The following RBMS3 variants were observed in gnomAD, a reference collection of about 807,000 sequenced individuals.
The protein encoded by RBMS3 is RNA-binding motif, single-stranded-interacting protein 3.
In RBMS3, 27 loss-of-function variants were observed where a neutral mutation model predicts 66.8. The observed-to-expected ratio is 0.40, with a 90% confidence interval of 0.30 to 0.56. RBMS3 has a LOEUF of 0.56. RBMS3 is among the 20% of genes least tolerant of loss of function. The pLI is 0.40. For missense variants in RBMS3, 513 were observed against 549.5 expected, an observed-to-expected ratio of 0.93 and a Z score of 0.66; for synonymous variants, 188 against 183.0, an observed-to-expected ratio of 1.03 and a Z score of -0.22.
intron 12 of RBMS3, among the ~76,000 whole-genome samples, chr3:29,960,194 C>A (rs1041750588): frequency 3.3e-5 from 5 of 152,110 alleles, no homozygotes; most frequent in African/African-American, 1.2e-4. Context: ...ATACTTATTC[C>A]AAATGGGAGA....
At chr3:29,709,870 G>A (rs1426193108) in intron 4 of RBMS3, among the ~76,000 whole-genome samples, 2 of 152,082 alleles carry the variant, frequency 1.3e-5, no homozygotes, top group Non-Finnish European at 2.9e-5. Flanking sequence ...GCGTTATCTT[G>A]CACAAAAGTC....
intron 2 of RBMS3, among the ~76,000 whole-genome samples, chr3:29,477,603 C>T (rs1369317162): frequency 6.6e-6 from 1 of 151,816 alleles, no homozygotes; most frequent in East Asian, 1.9e-4. Context: ...AATTAATGAT[C>T]CAATTGCCAT....
intron 1 of RBMS3, among the ~76,000 whole-genome samples, chr3:29,330,625 A>G (rs1314242059): frequency 6.6e-6 from 1 of 152,102 alleles, no homozygotes; most frequent in Non-Finnish European, 1.5e-5. Flanking sequence ...CCTATTGCTG[A>G]ACTAGCCTTG....
intron 6 of RBMS3, among the ~76,000 whole-genome samples, chr3:29,849,473 C>T (rs1184202834): frequency 6.6e-6 from 1 of 150,606 alleles, no homozygotes; most frequent in Non-Finnish European, 1.5e-5. Context: ...GAGATCACAC[C>T]ACTGCACTCC....
intron 2 of RBMS3, among the ~76,000 whole-genome samples, chr3:29,482,776 C>T (rs1445902097): frequency 7.7e-6 from 1 of 129,650 alleles, no homozygotes; most frequent in Non-Finnish European, 1.5e-5. Flanking sequence ...GGCACGATCT[C>T]GGCTCACTGC....
intron 6 of RBMS3, among the ~76,000 whole-genome samples, chr3:29,775,430 G>A (rs1470287223): frequency 6.6e-6 from 1 of 151,890 alleles, no homozygotes; most frequent in Non-Finnish European, 1.5e-5. Flanking sequence ...GTTGTATTAA[G>A]ACAATGTATT....
intron 3 of RBMS3, among the ~76,000 whole-genome samples, chr3:29,526,532 A>G (rs1337555073): frequency 1.5e-5 from 1 of 67,762 alleles, no homozygotes; most frequent in Non-Finnish European, 2.4e-5. Context: ...AAAAAAAAAA[A>G]AAAAAAAAAA....
At chr3:29,786,080 C>T (rs1282053612) in intron 6 of RBMS3, among the ~76,000 whole-genome samples, 1 of 149,208 alleles carries the variant, frequency 6.7e-6, no homozygotes, top group Admixed American at 6.7e-5. Flanking sequence ...AAGAACTCAA[C>T]CCCTTTCACA....
intron 4 of RBMS3, among the ~76,000 whole-genome samples, chr3:29,731,276 A>G (rs2054121911): frequency 6.6e-6 from 1 of 152,236 alleles, no homozygotes; most frequent in African/African-American, 2.4e-5. Context: ...GAAATAAGTA[A>G]ATGCTTCTTT....
chr3:29,652,359 C>T (rs927680671), intron 4 of RBMS3, among the ~76,000 whole-genome samples: 32 of 152,138 alleles, frequency 2.1e-4, no homozygotes, highest in African/African-American at 7.7e-4. Flanking sequence ...ATATAAATAA[C>T]AATTATTTAA....
intron 4 of RBMS3, among the ~76,000 whole-genome samples, chr3:29,735,779 A>G (rs1216933649): frequency 2.6e-5 from 4 of 152,304 alleles, no homozygotes; most frequent in Non-Finnish European, 5.9e-5. Flanking sequence ...TAAATTGGCA[A>G]TAACATCAGA....
chr3:29,651,139 A>G (rs1274991882), intron 4 of RBMS3, among the ~76,000 whole-genome samples: 1 of 152,224 alleles, frequency 6.6e-6, no homozygotes, highest in African/African-American at 2.4e-5. Context: ...CTTCAGATCA[A>G]CAACAAATGC....
intron 4 of RBMS3, among the ~76,000 whole-genome samples, chr3:29,682,375 C>T (rs1435030592): frequency 6.6e-6 from 1 of 152,094 alleles, no homozygotes; most frequent in African/African-American, 2.4e-5. Context: ...GGATGGTCTC[C>T]GTCTCCTGAC....
chr3:29,690,774 C>G (rs2051968698), intron 4 of RBMS3, among the ~76,000 whole-genome samples: 1 of 152,174 alleles, frequency 6.6e-6, no homozygotes, highest in Non-Finnish European at 1.5e-5. Context: ...TGTGCTCTGT[C>G]ATAAACTCCT....
At chr3:29,785,740 T>C (rs2056795835) in intron 6 of RBMS3, among the ~76,000 whole-genome samples, 1 of 152,084 alleles carries the variant, frequency 6.6e-6, no homozygotes, top group Non-Finnish European at 1.5e-5. Flanking sequence ...AACATTATAC[T>C]GAACAGAGAA....
At chr3:29,526,617 A>G (rs758555146) in intron 3 of RBMS3, among the ~76,000 whole-genome samples, 178 of 141,386 alleles carry the variant, frequency 1.3e-3, no homozygotes, top group Non-Finnish European at 9.2e-5. Flanking sequence ...AGCAATTCTG[A>G]GAGGGATTTT....
intron 3 of RBMS3, among the ~76,000 whole-genome samples, chr3:29,499,294 T>C (rs1258764314): frequency 6.6e-6 from 1 of 152,160 alleles, no homozygotes; most frequent in Non-Finnish European, 1.5e-5. Context: ...TTAATCATAT[T>C]GATTCTAAAT....
intron 4 of RBMS3, among the ~76,000 whole-genome samples, chr3:29,723,957 C>T (rs540948752): frequency 4.0e-5 from 6 of 151,680 alleles, no homozygotes; most frequent in South Asian, 4.2e-4. Context: ...ACAGCTTCTT[C>T]GGTGTAATAG....
intron 3 of RBMS3, among the ~76,000 whole-genome samples, chr3:29,582,246 G>A (rs575891972): frequency 2.0e-5 from 3 of 152,184 alleles, no homozygotes; most frequent in African/African-American, 7.2e-5. Flanking sequence ...GGCTTGTAGT[G>A]CAATAAAAAT....
Sources: allele counts gnomAD v4.1 joint callset (sites outside exome capture counted in the v4.1 genomes callset), GRCh38; gene constraint gnomAD v4.1.1; transcripts MANE v1.5; gene names NCBI Gene and HGNC (gene_info 2026-07-23, HGNC 2026-07-21).